Variants in SNX30 observed in about 807,000 individuals in gnomAD.
SNX30 encodes sorting nexin-30.
A neutral mutation model predicts 46.4 loss-of-function variants in SNX30; 24 were observed. The ratio of observed to expected loss-of-function variants is 0.52; its 90% CI spans 0.37 to 0.73. The LOEUF (loss-of-function observed/expected upper bound fraction) is 0.73, where lower values mean the gene tolerates loss of function less well. Ranked by LOEUF, SNX30 falls within the 30% of genes least tolerant of loss-of-function variation. The pLI, the probability that SNX30 is intolerant of heterozygous loss-of-function variation, is 0.00. For missense variants in SNX30, 533 were observed against 555.7 expected (o/e 0.96, Z 0.41); for synonymous variants, 189 against 211.5 (o/e 0.89, Z 0.92).
Position 112,869,546 on chromosome 9 carries a change from A to G in SNX30, c.*703A>G, listed in dbSNP as rs1439032510. The G allele has an allele frequency of 2.0e-5, 3 of 152,234 alleles. No homozygotes were observed. Among genetic ancestry groups the G allele is most frequent in the Admixed American group, 2.0e-4 (3 of 15,290 alleles). 9.4% of individuals were successfully genotyped at this position (152,234 alleles called of 1,614,324 possible). A position where few individuals can be genotyped will look rare whatever the true frequency, so the allele number is the denominator to read the frequency against. On this transcript the variant is annotated 3_prime_UTR_variant, in exon 9 of 9. Transcript: ENST00000374232. ...TGGGAAGCTCAGGGGAATGCTCCCC[A>G]AGCTTGTTTCTGACACTAGAATGCA... is the stretch of plus-strand genomic sequence containing the variant.
chr9:112,826,643 G>GT (rs1840583550), intron 3 of SNX30, among the ~76,000 whole-genome samples: 1 of 152,172 alleles, frequency 6.6e-6, no homozygotes, highest in African/African-American at 2.4e-5. Flanking sequence ...GCTAAGGAAT[G>GT]GAGGTGAGGG....
chr9:112,850,193 G>A (rs1048928349), intron 6 of SNX30, among the ~76,000 whole-genome samples: 1 of 152,208 alleles, frequency 6.6e-6, no homozygotes, highest in African/African-American at 2.4e-5. Context: ...GGGGCCCATT[G>A]AGCCTTCACT....
intron 7 of SNX30, among the ~76,000 whole-genome samples, chr9:112,859,471 A>G (rs930734940): frequency 4.5e-4 from 69 of 152,342 alleles, no homozygotes; most frequent in Admixed American, 1.2e-3. Flanking sequence ...ATATGTACTC[A>G]GAAGTGGAAT....
intron 1 of SNX30, among the ~76,000 whole-genome samples, chr9:112,758,856 C>CA (rs1839394382): frequency 6.6e-6 from 1 of 152,028 alleles, no homozygotes; most frequent in South Asian, 2.1e-4. Flanking sequence ...GTTAAACACA[C>CA]ACACACACAC....
intron 2 of SNX30, among the ~76,000 whole-genome samples, chr9:112,812,308 T>C (rs1487587720): frequency 2.0e-5 from 3 of 152,068 alleles, no homozygotes. Flanking sequence ...CAGGCTGGAG[T>C]GTAGTGATGC....
chr9:112,789,451 T>C (rs376983539), intron 1 of SNX30, among the ~76,000 whole-genome samples: 2 of 152,256 alleles, frequency 1.3e-5, no homozygotes, highest in Non-Finnish European at 2.9e-5. Context: ...TGCATCAGAG[T>C]TAGAGGTCTC....
intron 1 of SNX30, among the ~76,000 whole-genome samples, chr9:112,782,480 T>C (rs1289268997): frequency 6.6e-6 from 1 of 152,266 alleles, no homozygotes; most frequent in African/African-American, 2.4e-5. Flanking sequence ...GGCCACAGAC[T>C]GTTCCTTAAC....
intron 6 of SNX30, among the ~76,000 whole-genome samples, chr9:112,843,610 C>G (rs1040430955): frequency 2.1e-5 from 3 of 140,644 alleles, no homozygotes; most frequent in Admixed American, 7.2e-5. Flanking sequence ...GAGGTAGGAG[C>G]CTGGTCCTGC....
chr9:112,864,252 G>A lies in SNX30; in HGVS notation c.1107G>A (p.Pro369=), dbSNP rs370037765. 3.7e-5 allele frequency: 59 copies of A among 1,613,794 alleles called. No homozygotes were observed. The highest frequency in any genetic ancestry group is 5.0e-5 in the Admixed American group (3 of 59,996). Residue 369 remains proline, a synonymous_variant, in exon 8 of 9, where the codon CCG becomes CCA. Coordinates refer to ENST00000374232, the MANE Select transcript of SNX30 (RefSeq NM_001012994.2). ...TGTGTGCCTCCCTTTTCCAGGTACC[G>A]GCGGACGTCGAGAAATGTCAGGATC... ...ALRKEDRPKV[P]ADVEKCQDRM...
At chr9:112,806,883 C>G (rs2131405376) in intron 2 of SNX30, among the ~76,000 whole-genome samples, 1 of 152,060 alleles carries the variant, frequency 6.6e-6, no homozygotes, top group East Asian at 1.9e-4. Flanking sequence ...TCCAATGTTC[C>G]CTTCCATTTT....
chr9:112,844,089 A>G (rs1159564273), intron 6 of SNX30, among the ~76,000 whole-genome samples: 1 of 152,176 alleles, frequency 6.6e-6, no homozygotes, highest in Non-Finnish European at 1.5e-5. Flanking sequence ...CAGGGAGCCA[A>G]GGGCAGAAAA....
At chr9:112,760,959 C>T (rs1839424620) in intron 1 of SNX30, among the ~76,000 whole-genome samples, 2 of 152,084 alleles carry the variant, frequency 1.3e-5, no homozygotes, top group African/African-American at 4.8e-5. Context: ...AGGGCAGAGA[C>T]AGGAAAGACC....
At chr9:112,833,507 A>AAGC (rs1437922502) in intron 4 of SNX30, among the ~76,000 whole-genome samples, 9 of 152,306 alleles carry the variant, frequency 5.9e-5, no homozygotes, top group Non-Finnish European at 8.8e-5. Flanking sequence ...TATTAAAAAG[A>AAGC]AGCAGCAGCA....
intron 4 of SNX30, among the ~76,000 whole-genome samples, chr9:112,833,305 C>T (rs898024189): frequency 6.6e-6 from 1 of 152,158 alleles, no homozygotes; most frequent in African/African-American, 2.4e-5. Context: ...AATGCAGAGA[C>T]GCTCTTCCTT....
At chr9:112,834,766 C>T (rs1220519864) in intron 4 of SNX30, among the ~76,000 whole-genome samples, 5 of 151,406 alleles carry the variant, frequency 3.3e-5, no homozygotes, top group Non-Finnish European at 7.4e-5. Flanking sequence ...ACACACCCAA[C>T]ATTATAGTGA....
intron 8 of SNX30, among the ~76,000 whole-genome samples, chr9:112,866,256 G>A (rs939003480): frequency 3.3e-5 from 5 of 152,096 alleles, no homozygotes; most frequent in African/African-American, 1.2e-4. Context: ...AAAATACTAG[G>A]GGGCATAATG....
chr9:112,804,578 A>G (rs16917362), intron 1 of SNX30, among the ~76,000 whole-genome samples, 198 bp from the exon 2 acceptor site: 5,759 of 152,262 alleles, frequency 0.038, 366 homozygotes, highest in African/African-American at 0.13. Flanking sequence ...AATTGATTCA[A>G]AGCACTACCA....
chr9:112,750,856 G>A lies in SNX30; in HGVS notation c.-146G>A, dbSNP rs1277194055. ...TCTGAGCGCCGGCAGAGACCAGCCG[G>A]CGGGTGGCGGCGGCCCCCAGCACGG... On this transcript the variant is annotated 5_prime_UTR_variant, in exon 1 of 9. Transcript: ENST00000374232. 4 of 658,428 alleles carry A rather than the reference G, an allele frequency of 6.1e-6. No individual in the cohort carries two copies. The highest frequency in any genetic ancestry group is 7.7e-6 in the Non-Finnish European group (4 of 521,906). 40.8% of individuals were successfully genotyped at this position (658,428 alleles called of 1,614,324 possible). A position where few individuals can be genotyped will look rare whatever the true frequency, so the allele number is the denominator to read the frequency against.
At chr9:112,831,014 T>C (rs1224394924) in intron 4 of SNX30, 131 bp downstream of exon 4, 17 of 919,952 alleles carry the variant, frequency 1.8e-5, no homozygotes, top group Non-Finnish European at 2.3e-5. Flanking sequence ...GTTGTGCGCC[T>C]GTAGTCCCAG....
Sources: allele counts gnomAD v4.1 joint callset (sites outside exome capture counted in the v4.1 genomes callset), GRCh38; gene constraint gnomAD v4.1.1; transcripts MANE v1.5; gene names NCBI Gene and HGNC (gene_info 2026-07-23, HGNC 2026-07-21).